The following PLCL2 variants were observed in gnomAD, a reference collection of about 807,000 sequenced individuals.
The protein encoded by PLCL2 is inactive phospholipase C-like protein 2.
Under a neutral mutation model 79.6 loss-of-function variants are expected in PLCL2, and 4 were observed. That is an observed-to-expected ratio of 0.05 (90% confidence interval 0.02 to 0.11). The LOEUF (loss-of-function observed/expected upper bound fraction) is 0.11. PLCL2 is among the 10% of genes least tolerant of loss of function. The pLI is 1.00. For synonymous variants in PLCL2, 484 were observed against 457.7 expected (o/e 1.06, Z -0.73); for missense variants, 895 against 1,291.0 (o/e 0.69, Z 4.70).
chr3:16,964,451 T>C (rs1317481796), intron 1 of PLCL2, among the ~76,000 whole-genome samples: 3 of 152,194 alleles, frequency 2.0e-5, no homozygotes, highest in Non-Finnish European at 4.4e-5. Flanking sequence ...TCCAAGTCTT[T>C]GCTATTGTGA....
At chr3:17,008,310 G>A (rs753445312) in intron 1 of PLCL2, among the ~76,000 whole-genome samples, 16 of 149,892 alleles carry the variant, frequency 1.1e-4, no homozygotes, top group Non-Finnish European at 2.4e-4. Context: ...ACTGATGACT[G>A]ATCTAGTATG....
chr3:17,028,637 C>T (rs559065715), intron 3 of PLCL2, among the ~76,000 whole-genome samples: 16 of 152,068 alleles, frequency 1.1e-4, no homozygotes, highest in African/African-American at 2.9e-4. Flanking sequence ...CCAGCATGCC[C>T]GGCTCATTTT....
At chr3:16,946,004 C>T (rs564866216) in intron 1 of PLCL2, among the ~76,000 whole-genome samples, 1 of 152,168 alleles carries the variant, frequency 6.6e-6, no homozygotes, top group African/African-American at 2.4e-5. Flanking sequence ...CAACAGATGC[C>T]TGTTACTAAA....
At chr3:16,945,497 A>T (rs1550518) in intron 1 of PLCL2, among the ~76,000 whole-genome samples, 25,955 of 152,086 alleles carry the variant, frequency 0.17, 2,585 homozygotes, top group Non-Finnish European at 0.21. Context: ...TTTGGAATGA[A>T]TGGATGTGTT....
chr3:16,996,900 T>C (rs2064159397), intron 1 of PLCL2, among the ~76,000 whole-genome samples: 1 of 152,186 alleles, frequency 6.6e-6, no homozygotes, highest in African/African-American at 2.4e-5. Flanking sequence ...CTATCTGTCC[T>C]TGTACTATCA....
intron 3 of PLCL2, among the ~76,000 whole-genome samples, chr3:17,035,043 C>A (rs1343734621): frequency 6.6e-6 from 1 of 152,174 alleles, no homozygotes; most frequent in African/African-American, 2.4e-5. Context: ...GAGCATCATG[C>A]AACATTCATT....
chr3:16,963,601 CT>C (rs2063776207), intron 1 of PLCL2, among the ~76,000 whole-genome samples: 3 of 152,146 alleles, frequency 2.0e-5, no homozygotes, highest in Admixed American at 2.0e-4. Flanking sequence ...TGACTGAATT[CT>C]TTGAAAGTAG....
At chr3:16,972,181 G>A (rs1263377018) in intron 1 of PLCL2, among the ~76,000 whole-genome samples, 3 of 152,082 alleles carry the variant, frequency 2.0e-5, no homozygotes, top group Admixed American at 2.0e-4. Flanking sequence ...TCTGGCCAGG[G>A]CAATTAGGCA....
At chr3:17,034,781 C>A (rs76205657) in intron 3 of PLCL2, among the ~76,000 whole-genome samples, 1 of 152,096 alleles carries the variant, frequency 6.6e-6, no homozygotes, top group Non-Finnish European at 1.5e-5. Context: ...TTCATTGTAC[C>A]TTGTTCACTG....
chr3:17,067,598 T>C (rs1304994198), intron 4 of PLCL2, among the ~76,000 whole-genome samples: 1 of 152,208 alleles, frequency 6.6e-6, no homozygotes, highest in Non-Finnish European at 1.5e-5. Context: ...ATCTGCCTTC[T>C]GAGAGTCCAA....
In PLCL2 at chr3:16,951,675, C is replaced by T. The variant is rs146115067; in HGVS notation, c.328-57999C>T. ...TAAATTTTCCTGAGTGCTACTTTTC[C>T]AGTAATACATAGGATTTAGTGTATA... On this transcript the variant is annotated intron_variant, in intron 1 of 5. Transcript: ENST00000615277. 8.8e-3 allele frequency among the ~76,000 whole-genome samples: 1,338 copies of T among 152,126 alleles called. 21 individuals carry two copies. Among genetic ancestry groups the T allele is most frequent in the South Asian group, 0.061 (292 of 4,820 alleles).
chr3:16,915,784 G>A (rs1696980446), intron 1 of PLCL2, among the ~76,000 whole-genome samples: 2 of 152,114 alleles, frequency 1.3e-5, no homozygotes, highest in Non-Finnish European at 2.9e-5. Flanking sequence ...ATAGGGAAAA[G>A]GACAATGCTT....
chr3:17,017,657 C>T (rs1191205870), intron 3 of PLCL2, among the ~76,000 whole-genome samples: 1 of 151,986 alleles, frequency 6.6e-6, no homozygotes, highest in Non-Finnish European at 1.5e-5. Context: ...TGTATGGAGG[C>T]GAATGAGAAG....
intron 4 of PLCL2, 80 bp downstream of exon 4, chr3:17,043,029 G>A (rs1011193843): frequency 1.1e-6 from 1 of 887,020 alleles, no homozygotes; most frequent in African/African-American, 1.7e-5. Flanking sequence ...TCATTTTTTG[G>A]ATGCTATATC....
chr3:16,893,832 CTG>C (rs965198461), intron 1 of PLCL2, among the ~76,000 whole-genome samples: 1 of 152,186 alleles, frequency 6.6e-6, no homozygotes, highest in African/African-American at 2.4e-5. Flanking sequence ...ACCCTGAAGA[CTG>C]TTTATAAATC....
rs528777839 is a variant in PLCL2, at chr3:17,055,874, T to G, written c.3095-12082T>G. Among the ~76,000 whole-genome samples, 3 of 152,320 alleles carry G rather than the reference T, an allele frequency of 2.0e-5. No homozygotes were observed. In the East Asian group the frequency reaches 5.8e-4, roughly 29 times the overall value. On this transcript the variant is annotated intron_variant, in intron 4 of 5. Coordinates refer to ENST00000615277, the MANE Select transcript of PLCL2 (RefSeq NM_001144382.2). ...ACTCAGGCATGCACCAGCTGTGTGA[T>G]TGAATGACAGCAAAATTATCTTTCT...
intron 1 of PLCL2, among the ~76,000 whole-genome samples, chr3:16,987,057 T>G (rs1247481170): frequency 1.3e-5 from 2 of 150,898 alleles, no homozygotes; most frequent in African/African-American, 4.9e-5. Context: ...AATGTCAGAC[T>G]TTTTTTTCCT....
At chr3:16,957,718 T>C (rs1237485886) in intron 1 of PLCL2, among the ~76,000 whole-genome samples, 1 of 152,208 alleles carries the variant, frequency 6.6e-6, no homozygotes, top group Non-Finnish European at 1.5e-5. Context: ...TGCTCCTGTA[T>C]TGGGGGCATA....
At chr3:17,042,490 A>G (rs1251260228) in intron 3 of PLCL2, among the ~76,000 whole-genome samples, 2 of 152,186 alleles carry the variant, frequency 1.3e-5, no homozygotes, top group Non-Finnish European at 2.9e-5. Flanking sequence ...TAGGTGTTGA[A>G]GTTTTCTATA....
Sources: allele counts gnomAD v4.1 joint callset (sites outside exome capture counted in the v4.1 genomes callset), GRCh38; gene constraint gnomAD v4.1.1; transcripts MANE v1.5; gene names NCBI Gene and HGNC (gene_info 2026-07-23, HGNC 2026-07-21).